The following PTPRN2 variants were observed in gnomAD, a reference collection of about 807,000 sequenced individuals.
The protein encoded by PTPRN2 is receptor-type tyrosine-protein phosphatase N2.
PTPRN2 carries 74 observed loss-of-function variants against 118.8 expected under a neutral mutation model. The ratio of observed to expected loss-of-function variants is 0.62; its 90% confidence interval spans 0.52 to 0.76. PTPRN2 has a LOEUF of 0.76. Among genes scored for constraint, PTPRN2 ranks in the 30% least tolerant of loss-of-function variants. The pLI is 0.00. For missense variants in PTPRN2, 1,481 were observed against 1,394.4 expected, an observed-to-expected ratio of 1.06 and a Z score of -0.99; for synonymous variants, 641 against 608.0, an observed-to-expected ratio of 1.05 and a Z score of -0.80.
At chr7:158,553,640 A>T (rs1826804202) in intron 1 of PTPRN2, among the ~76,000 whole-genome samples, 1 of 151,942 alleles carries the variant, frequency 6.6e-6, no homozygotes, top group Non-Finnish European at 1.5e-5. Flanking sequence ...CTAAATACGC[A>T]CAGGCTTAGG....
At chr7:158,524,065 G>A (rs867975481) in intron 1 of PTPRN2, among the ~76,000 whole-genome samples, 13 of 92,616 alleles carry the variant, frequency 1.4e-4, no homozygotes, top group Admixed American at 4.7e-4. Flanking sequence ...GGAGTCGTCT[G>A]CCCTGGAGTG....
intron 21 of PTPRN2, among the ~76,000 whole-genome samples, chr7:157,555,370 G>T (rs978434276): frequency 1.3e-5 from 2 of 152,126 alleles, no homozygotes; most frequent in African/African-American, 4.8e-5. Flanking sequence ...CACAATGAAA[G>T]AATCCATTTG....
At chr7:157,567,933 TG>T (rs1330085712) in intron 21 of PTPRN2, among the ~76,000 whole-genome samples, 1 of 152,154 alleles carries the variant, frequency 6.6e-6, no homozygotes, top group African/African-American at 2.4e-5. Flanking sequence ...ACACCTGCCC[TG>T]TGATGCCCAA....
intron 1 of PTPRN2, among the ~76,000 whole-genome samples, chr7:158,577,752 G>A (rs2129451906): frequency 6.6e-6 from 1 of 152,386 alleles, no homozygotes; most frequent in South Asian, 2.1e-4. Flanking sequence ...CGATCCCCAA[G>A]TATGGGATGT....
At chr7:157,876,321 T>C (rs1280792862) in intron 12 of PTPRN2, among the ~76,000 whole-genome samples, 1 of 152,162 alleles carries the variant, frequency 6.6e-6, no homozygotes, top group African/African-American at 2.4e-5. Context: ...GCCACTCTTC[T>C]GGAAGCGAAT....
intron 10 of PTPRN2, among the ~76,000 whole-genome samples, chr7:158,106,438 T>G (rs1359020611): frequency 6.6e-6 from 1 of 152,176 alleles, no homozygotes; most frequent in Non-Finnish European, 1.5e-5. Flanking sequence ...ACCTCCATCC[T>G]TGGCTCCAGC....
At chr7:158,346,861 A>G (rs1807549805) in intron 2 of PTPRN2, among the ~76,000 whole-genome samples, 1 of 152,194 alleles carries the variant, frequency 6.6e-6, no homozygotes. Context: ...AGCACAGTTG[A>G]GCATCTTTTC....
intron 6 of PTPRN2, among the ~76,000 whole-genome samples, chr7:158,162,636 C>A (rs1822460013): frequency 2.4e-5 from 1 of 41,754 alleles, no homozygotes; most frequent in Non-Finnish European, 6.2e-5. Flanking sequence ...AATTCCTTCA[C>A]CGGCCACTGC....
intron 2 of PTPRN2, among the ~76,000 whole-genome samples, chr7:158,330,561 C>T (rs796549016): frequency 2.5e-5 from 1 of 40,722 alleles, no homozygotes; most frequent in African/African-American, 9.5e-5. Context: ...TCACTCACAC[C>T]CACACTCTCA....
chr7:157,996,578 G>C (rs2128853517), intron 11 of PTPRN2, among the ~76,000 whole-genome samples: 1 of 152,354 alleles, frequency 6.6e-6, no homozygotes. Flanking sequence ...ACCACCCCGA[G>C]GGCCGGTCCC....
intron 15 of PTPRN2, chr7:157,614,022 C>A (rs1466910197): frequency 6.4e-6 from 3 of 471,198 alleles, no homozygotes; most frequent in Non-Finnish European, 1.3e-5. Context: ...AGACCACAAG[C>A]AACGGGATGC....
intron 12 of PTPRN2, among the ~76,000 whole-genome samples, chr7:157,797,021 G>A (rs1051527281): frequency 1.3e-5 from 2 of 152,194 alleles, no homozygotes; most frequent in East Asian, 1.9e-4. Context: ...ACGAACTCAC[G>A]GCTCAGCTGG....
chr7:158,301,593 A>G (rs928868732), intron 3 of PTPRN2, among the ~76,000 whole-genome samples: 1 of 152,200 alleles, frequency 6.6e-6, no homozygotes, highest in Non-Finnish European at 1.5e-5. Flanking sequence ...AGTACTGATA[A>G]GCAAAGTGCA....
rs1827939133 is a variant in PTPRN2, at chr7:158,570,276, C to G, written c.112+17282G>C. On this transcript the variant is annotated intron_variant, in intron 1 of 22. Transcript: ENST00000389418. The surrounding 1 kb of genome is among the most constrained non-coding windows in gnomAD (Gnocchi z 4.5). Reference sequence around the variant, plus strand: ...CTCGGTCCTCGCCCTGAGCAGCGCGCCGGGGTATAAGGGACGCCCTCAGAG... The same window carrying G: ...CTCGGTCCTCGCCCTGAGCAGCGCGGCGGGGTATAAGGGACGCCCTCAGAG... Among the ~76,000 whole-genome samples the G allele has an allele frequency of 6.6e-6, 1 of 152,250 alleles. No homozygotes were observed. Among genetic ancestry groups the G allele is most frequent in the East Asian group, 1.9e-4 (1 of 5,186 alleles).
At chr7:158,145,376 G>A (rs543519011) in intron 6 of PTPRN2, among the ~76,000 whole-genome samples, 3 of 152,316 alleles carry the variant, frequency 2.0e-5, no homozygotes, top group East Asian at 3.9e-4. Flanking sequence ...TCACATCATC[G>A]TGAGAAGGGG....
At chr7:158,580,462 C>T (rs759877897) in intron 1 of PTPRN2, among the ~76,000 whole-genome samples, 4 of 152,190 alleles carry the variant, frequency 2.6e-5, no homozygotes, top group Non-Finnish European at 5.9e-5. Context: ...ATACAGAACA[C>T]TGCATCAGAA....
intron 3 of PTPRN2, among the ~76,000 whole-genome samples, chr7:158,215,093 G>A (rs538200028): frequency 5.5e-4 from 83 of 152,238 alleles, no homozygotes; most frequent in Middle Eastern, 6.8e-3. Flanking sequence ...AACCAGTTAC[G>A]ATAAAAATGC....
At chr7:158,396,118 C>A (rs1413775459) in intron 2 of PTPRN2, among the ~76,000 whole-genome samples, 1 of 152,150 alleles carries the variant, frequency 6.6e-6, no homozygotes, top group East Asian at 1.9e-4. Flanking sequence ...CAGCGAAGGC[C>A]GGGACACGCA....
chr7:158,103,327 T>A (rs1421840752), intron 10 of PTPRN2, among the ~76,000 whole-genome samples: 2 of 152,204 alleles, frequency 1.3e-5, no homozygotes, highest in African/African-American at 2.4e-5. Flanking sequence ...TTCAGGACAC[T>A]TGATGGCAGG....
Sources: gnomAD v4.1 joint callset for allele counts (sites outside exome capture counted in the v4.1 genomes callset) on GRCh38, gnomAD v4.1.1 for gene constraint, Gnocchi (gnomAD v3.1) non-coding constraint, MANE v1.5 for transcripts, NCBI Gene and HGNC (gene_info 2026-07-23, HGNC 2026-07-21) for gene names.